The following FHDC1 variants were observed in gnomAD, a reference collection of about 807,000 sequenced individuals.
FHDC1 encodes FH2 domain containing 1.
In FHDC1, 25 loss-of-function variants were observed where a neutral mutation model predicts 52.6. The observed-to-expected ratio is 0.48, with a 90% confidence interval of 0.35 to 0.66. The LOEUF is 0.66. Among genes scored for constraint, FHDC1 ranks in the 30% least tolerant of loss-of-function variants. The pLI is 0.01. For synonymous variants in FHDC1, 616 were observed against 581.5 expected, an observed-to-expected ratio of 1.06 and a Z score of -0.85; for missense variants, 1,459 against 1,452.8, an observed-to-expected ratio of 1.00 and a Z score of -0.07.
At chr4:152,939,835 T>A (rs1739526253) in intron 1 of FHDC1, among the ~76,000 whole-genome samples, 1 of 152,194 alleles carries the variant, frequency 6.6e-6, no homozygotes, top group African/African-American at 2.4e-5. Flanking sequence ...AACCTGTAGC[T>A]GAGATCTTAC....
chr4:152,952,016 A>G (rs1222714887), intron 2 of FHDC1, among the ~76,000 whole-genome samples: 2 of 152,180 alleles, frequency 1.3e-5, no homozygotes, highest in East Asian at 1.9e-4. Flanking sequence ...GATTCCAGAG[A>G]TCAGAAAAAT....
intron 4 of FHDC1, among the ~76,000 whole-genome samples, chr4:152,957,743 G>A (rs957977367): frequency 1.3e-5 from 2 of 152,200 alleles, no homozygotes; most frequent in African/African-American, 4.8e-5. Flanking sequence ...GCCGACCAAA[G>A]CCAAGGTTAA....
chr4:152,927,304 AATT>A, the FHDC1 span: 2 of 635,186 alleles, frequency 3.1e-6, no homozygotes, highest in South Asian at 1.9e-5. Flanking sequence ...ACCAATAAGA[AATT>A]TGTCAAAGGT....
At chr4:152,956,968 C>T (rs1025611106) in intron 4 of FHDC1, among the ~76,000 whole-genome samples, 2 of 152,110 alleles carry the variant, frequency 1.3e-5, no homozygotes, top group Admixed American at 6.6e-5. Context: ...CGGGGAAAGC[C>T]GAAGCCGCTC....
At chr4:152,968,998 A>G (rs1385516574) in intron 10 of FHDC1, among the ~76,000 whole-genome samples, 1 of 152,180 alleles carries the variant, frequency 6.6e-6, no homozygotes, top group Non-Finnish European at 1.5e-5. Context: ...AATAACATCA[A>G]CAAAAAACAG....
At chr4:152,974,470 G>A (rs1237952364) in intron 11 of FHDC1, among the ~76,000 whole-genome samples, 1 of 151,954 alleles carries the variant, frequency 6.6e-6, no homozygotes, top group Admixed American at 6.6e-5. Flanking sequence ...GCTTTGAAGA[G>A]CCTCACCCTC....
chr4:152,960,567 A>G lies in FHDC1; in HGVS notation c.666A>G (p.Val222=), dbSNP rs1444736101. ...FLKFLPESEE[V]KKLKAFSGDV... is the part of the protein sequence containing the mutation. ...CCCCCTTTCCATTTGTCTTTTAGGT[A>G]AAGAAGTTAAAAGCGTTTAGTGGCG... The change falls in exon 5 of 12, where the codon GTA becomes GTG. Residue 222 remains valine (V), a splice_region_variant and synonymous_variant. Coordinates refer to ENST00000511601, the MANE Select transcript of FHDC1 (RefSeq NM_001371116.1). The G allele has an allele frequency of 1.9e-6, 3 of 1,613,576 alleles. No homozygotes were observed. The highest frequency in any genetic ancestry group is 2.7e-5 in the African/African-American group (2 of 74,922).
chr4:152,915,675 G>A, the FHDC1 span, among the ~76,000 whole-genome samples: 3 of 152,144 alleles, frequency 2.0e-5, no homozygotes, highest in Non-Finnish European at 4.4e-5. Context: ...AAGAATGGCA[G>A]AATTAGAGAA....
At chr4:152,946,771 C>G (rs1260305501) in intron 2 of FHDC1, among the ~76,000 whole-genome samples, 1 of 152,152 alleles carries the variant, frequency 6.6e-6, no homozygotes, top group African/African-American at 2.4e-5. Flanking sequence ...TAACCTCCTA[C>G]AGAAACAGCC....
At chr4:152,957,616 G>A (rs192556672) in intron 4 of FHDC1, among the ~76,000 whole-genome samples, 1 of 152,336 alleles carries the variant, frequency 6.6e-6, no homozygotes, top group African/African-American at 2.4e-5. Flanking sequence ...CATCACCTCT[G>A]CTATCACAAA....
At chr4:152,958,274 C>T (rs1409308416) in intron 4 of FHDC1, among the ~76,000 whole-genome samples, 1 of 152,142 alleles carries the variant, frequency 6.6e-6, no homozygotes, top group African/African-American at 2.4e-5. Flanking sequence ...TGGCTCAGCC[C>T]ACAAAGTTAT....
chr4:152,918,490 A>G, the FHDC1 span: 1 of 152,260 alleles, frequency 6.6e-6, no homozygotes, highest in African/African-American at 2.4e-5. Flanking sequence ...TATCAAGGCC[A>G]TACTTAGTCT....
At chr4:152,931,000 C>CTT in the FHDC1 span, among the ~76,000 whole-genome samples, 3,710 of 126,410 alleles carry the variant, frequency 0.029, 63 homozygotes, top group South Asian at 0.076. Flanking sequence ...CACACACACT[C>CTT]TCTCTCTCTC....
chr4:152,934,263 G>A (rs1397775930), upstream of FHDC1, among the ~76,000 whole-genome samples: 1 of 152,190 alleles, frequency 6.6e-6, no homozygotes, highest in Non-Finnish European at 1.5e-5. Flanking sequence ...ACAAGCAAAG[G>A]AAAAGCTAGG....
At chr4:152,936,552 C>G (rs374733783) in intron 1 of FHDC1, 143 bp downstream of exon 1, 1 of 152,312 alleles carries the variant, frequency 6.6e-6, no homozygotes, top group South Asian at 2.1e-4. Flanking sequence ...CTGATGGGTG[C>G]CGGGTCTCGG....
At position 152,975,695 on chromosome 4, in the gene FHDC1, G is replaced by C; in HGVS notation, c.2404G>C (p.Gly802Arg). Reference protein sequence around the residue: ...RPRGGDPEEGGEGDGSMSSGV... With the variant: ...RPRGGDPEEGREGDGSMSSGV... The stretch of plus-strand genomic sequence containing the variant: ...CAGAGGCGGGGACCCGGAGGAAGGC[G>C]GGGAAGGGGATGGCTCCATGTCCTC... Residue 802 changes from glycine (G) to arginine (R), a missense_variant, in exon 12 of 12, where the codon GGG becomes CGG. Physicochemically the swap from Gly to Arg is moderately radical, Grantham distance 125. This residue lies in a region of FHDC1 where 939 missense variants were observed against 854.5 expected (regional missense o/e 1.10). Transcript: ENST00000511601. The C allele has an allele frequency of 6.2e-7, 1 of 1,611,902 alleles. No individual in the cohort carries two copies. Among genetic ancestry groups the C allele is most frequent in the Non-Finnish European group, 8.5e-7 (1 of 1,178,816 alleles).
intron 9 of FHDC1, among the ~76,000 whole-genome samples, chr4:152,965,891 AG>A (rs1740442161): frequency 6.6e-6 from 1 of 152,256 alleles, no homozygotes; most frequent in Non-Finnish European, 1.5e-5. Flanking sequence ...AATGAACCAT[AG>A]CTCACAGCCC....
intron 2 of FHDC1, among the ~76,000 whole-genome samples, chr4:152,949,173 C>CAAGA (rs1739849160): frequency 8.9e-6 from 1 of 111,926 alleles, no homozygotes; most frequent in African/African-American, 3.2e-5. Flanking sequence ...GAAGAAGAAG[C>CAAGA]AGAAGAAGAA....
chr4:152,922,608 A>G, the FHDC1 span, among the ~76,000 whole-genome samples: 4 of 151,984 alleles, frequency 2.6e-5, no homozygotes, highest in African/African-American at 7.2e-5. Context: ...AAAATCCTCA[A>G]TAAAATACTG....
Sources: allele counts gnomAD v4.1 joint callset (sites outside exome capture counted in the v4.1 genomes callset), GRCh38; gene constraint gnomAD v4.1.1; regional missense constraint gnomAD v4.1.1; transcripts MANE v1.5; gene names NCBI Gene and HGNC (gene_info 2026-07-23, HGNC 2026-07-21).